Variants in PSD3 observed in about 807,000 individuals in gnomAD.
PSD3 encodes pleckstrin and Sec7 domain containing 3.
A neutral mutation model predicts 105.5 loss-of-function variants in PSD3; 49 were observed. The observed-to-expected ratio is 0.46, with a 90% CI of 0.37 to 0.59. The LOEUF is 0.59. Among genes scored for constraint, PSD3 ranks in the 20% least tolerant of loss-of-function variants. The pLI, the probability that PSD3 is intolerant of heterozygous loss-of-function variation, is 0.00. For missense variants in PSD3, 1,561 were observed against 1,263.8 expected (o/e 1.24, Z -3.57); for synonymous variants, 557 against 457.8 (o/e 1.22, Z -2.77).
chr8:19,065,912 C>T (rs566976928), intron 1 of PSD3, among the ~76,000 whole-genome samples: 1 of 152,294 alleles, frequency 6.6e-6, no homozygotes, highest in African/African-American at 2.4e-5. Context: ...TGGTGACCGC[C>T]TCCAATCTGA....
At chr8:18,746,544 T>C (rs969749046) in intron 9 of PSD3, among the ~76,000 whole-genome samples, 4 of 152,236 alleles carry the variant, frequency 2.6e-5, no homozygotes, top group Admixed American at 2.6e-4. Flanking sequence ...GTCCCCACCT[T>C]GCGAAGTGAC....
At chr8:18,933,772 C>T (rs557331268) in intron 2 of PSD3, among the ~76,000 whole-genome samples, 2 of 152,186 alleles carry the variant, frequency 1.3e-5, no homozygotes, top group African/African-American at 2.4e-5. Context: ...CAGGCCAATG[C>T]CAAAGAGTTT....
chr8:18,536,104 C>T (rs1799830940), intron 15 of PSD3, 146 bp from the exon 16 acceptor site: 1 of 724,672 alleles, frequency 1.4e-6, no homozygotes, highest in South Asian at 1.7e-5. Context: ...TACTTGGGCA[C>T]TTACTGGGCA....
intron 2 of PSD3, among the ~76,000 whole-genome samples, chr8:18,892,832 C>T (rs1818899302): frequency 6.6e-6 from 1 of 151,774 alleles, no homozygotes; most frequent in Non-Finnish European, 1.5e-5. Context: ...ACCATGTTGG[C>T]CAGGCTGGTC....
At chr8:18,835,810 T>C (rs1814059909) in intron 4 of PSD3, among the ~76,000 whole-genome samples, 1 of 152,152 alleles carries the variant, frequency 6.6e-6, no homozygotes. Flanking sequence ...AAGAGGCCAA[T>C]GCAACTGAAG....
intron 8 of PSD3, among the ~76,000 whole-genome samples, chr8:18,769,437 T>C (rs1251822011): frequency 6.6e-6 from 1 of 152,204 alleles, no homozygotes; most frequent in African/African-American, 2.4e-5. Context: ...GTTAATTTTG[T>C]TACATGATGA....
intron 1 of PSD3, among the ~76,000 whole-genome samples, chr8:19,002,825 G>GCTAA (rs1323421438): frequency 6.6e-6 from 1 of 152,058 alleles, no homozygotes; most frequent in African/African-American, 2.4e-5. Flanking sequence ...GAAACAGAGA[G>GCTAA]CTAAGTGTAT....
At chr8:18,825,402 T>G (rs1223780133) in intron 4 of PSD3, among the ~76,000 whole-genome samples, 1 of 152,228 alleles carries the variant, frequency 6.6e-6, no homozygotes, top group African/African-American at 2.4e-5. Context: ...TCACAGGTTC[T>G]GGGGTGCAAC....
At chr8:18,911,011 G>A (rs536376510) in intron 2 of PSD3, among the ~76,000 whole-genome samples, 1 of 152,232 alleles carries the variant, frequency 6.6e-6, no homozygotes, top group East Asian at 1.9e-4. Context: ...AGGAGGCTGG[G>A]GTGGAAGGAC....
chr8:18,541,752 CTT>C (rs111558567), intron 15 of PSD3, among the ~76,000 whole-genome samples: 21 of 141,418 alleles, frequency 1.5e-4, no homozygotes, highest in Admixed American at 2.1e-4. Flanking sequence ...TTCTGAGAAT[CTT>C]TTTTTTTTTT....
intron 9 of PSD3, among the ~76,000 whole-genome samples, chr8:18,665,615 G>A (rs773105947): frequency 4.6e-5 from 7 of 152,236 alleles, no homozygotes; most frequent in Non-Finnish European, 7.3e-5. Flanking sequence ...GGGAATGACT[G>A]CATTTCTGAA....
At chr8:18,816,825 G>C (rs978800877) in intron 4 of PSD3, among the ~76,000 whole-genome samples, 2 of 150,576 alleles carry the variant, frequency 1.3e-5, no homozygotes, top group African/African-American at 4.9e-5. Flanking sequence ...ACAGATGAAA[G>C]TCCTTGCTTT....
At chr8:18,776,534 C>T (rs1237949820) in intron 8 of PSD3, among the ~76,000 whole-genome samples, 1 of 151,924 alleles carries the variant, frequency 6.6e-6, no homozygotes, top group African/African-American at 2.4e-5. Flanking sequence ...CAGGCCACCA[C>T]ACCTGGCTAC....
chr8:18,995,194 T>C (rs550009380), intron 1 of PSD3, among the ~76,000 whole-genome samples: 2 of 152,262 alleles, frequency 1.3e-5, no homozygotes, highest in East Asian at 1.9e-4. Flanking sequence ...ACTTTGCCTA[T>C]AGCTCCAAAG....
At chr8:18,922,444 G>A (rs1049945954) in intron 2 of PSD3, among the ~76,000 whole-genome samples, 5 of 152,184 alleles carry the variant, frequency 3.3e-5, no homozygotes, top group South Asian at 2.1e-4. Context: ...TGAGAACACA[G>A]GAATAAACTA....
intron 9 of PSD3, among the ~76,000 whole-genome samples, chr8:18,740,445 T>A (rs777916891): frequency 2.0e-5 from 3 of 152,156 alleles, no homozygotes; most frequent in African/African-American, 7.2e-5. Context: ...AATTCTCAAG[T>A]AGAATCCATC....
At position 18,811,713 on chromosome 8, in the gene PSD3, C is replaced by T. The variant is rs192801299; in HGVS notation, c.1635-6815G>A. On this transcript the variant is annotated intron_variant, in intron 4 of 15. Transcript: ENST00000327040. The stretch of plus-strand genomic sequence containing the variant: ...CCCAGAGAAGGCCCAAAGGCTGCAG[C>T]ATGTTAGATGTGTGAGGGCAAGCAA... Among the ~76,000 whole-genome samples, 33 of 152,206 alleles carry T rather than the reference C, an allele frequency of 2.2e-4. No homozygotes were observed. The East Asian group carries it at 6.0e-3, about 28-fold the overall frequency.
intron 12 of PSD3, among the ~76,000 whole-genome samples, chr8:18,589,420 C>T (rs2130480008): frequency 6.6e-6 from 1 of 152,246 alleles, no homozygotes; most frequent in Admixed American, 6.5e-5. Flanking sequence ...TTCTACAAAG[C>T]CTATTTTCCC....
intron 1 of PSD3, among the ~76,000 whole-genome samples, chr8:19,051,083 T>C (rs907511608): frequency 1.1e-4 from 16 of 152,166 alleles, no homozygotes; most frequent in Non-Finnish European, 1.8e-4. Flanking sequence ...CTCTCCACAC[T>C]GCAGCTAGGG....
Sources: gnomAD v4.1 joint callset for allele counts (sites outside exome capture counted in the v4.1 genomes callset) on GRCh38, gnomAD v4.1.1 for gene constraint, MANE v1.5 for transcripts, NCBI Gene and HGNC (gene_info 2026-07-23, HGNC 2026-07-21) for gene names.